Variants in ARAP2 observed in about 807,000 individuals in gnomAD.
ARAP2 encodes arf-GAP with Rho-GAP domain, ANK repeat and PH domain-containing protein 2.
A neutral mutation model predicts 194.5 loss-of-function variants in ARAP2; 148 were observed. The observed-to-expected ratio is 0.76, with a 90% CI of 0.67 to 0.87. The LOEUF is 0.87. Among genes scored for constraint, ARAP2 ranks in the 40% least tolerant of loss-of-function variants. ARAP2 has a pLI of 0.00. For synonymous variants in ARAP2, 695 were observed against 683.5 expected (o/e 1.02, Z -0.26); for missense variants, 2,128 against 1,989.7 (o/e 1.07, Z -1.32).
chr4:36,044,274 T>G (rs1560312717), intron 5 of ARAP2, among the ~76,000 whole-genome samples: 1 of 152,190 alleles, frequency 6.6e-6, no homozygotes, highest in Non-Finnish European at 1.5e-5. Flanking sequence ...AGAAGTAGTT[T>G]GTTTCTTTGG....
intron 19 of ARAP2, among the ~76,000 whole-genome samples, chr4:36,139,465 TGATTATTTCA>T (rs1560512523): frequency 6.6e-6 from 1 of 151,720 alleles, no homozygotes; most frequent in Non-Finnish European, 1.5e-5. Context: ...TTAAATAAAT[TGATTATTTCA>T]AAGGACCAGC....
chr4:36,138,185 A>G (rs1333178296), intron 19 of ARAP2, among the ~76,000 whole-genome samples: 1 of 151,736 alleles, frequency 6.6e-6, no homozygotes, highest in African/African-American at 2.4e-5. Context: ...TTCTTCTGGA[A>G]AAGTATGAAT....
At chr4:36,142,845 C>T (rs1158639444) in intron 19 of ARAP2, among the ~76,000 whole-genome samples, 1 of 151,708 alleles carries the variant, frequency 6.6e-6, no homozygotes, top group Non-Finnish European at 1.5e-5. Context: ...CTTCTTTACG[C>T]TGGCAACTCC....
intron 2 of ARAP2, among the ~76,000 whole-genome samples, chr4:36,055,624 C>T (rs1249475664): frequency 4.6e-5 from 7 of 151,976 alleles, no homozygotes; most frequent in Admixed American, 2.0e-4. Context: ...AGTGCAATGG[C>T]GTGATCTTGG....
chr4:36,117,084 G>A lies in ARAP2; in HGVS notation c.4015C>T (p.Pro1339Ser). 1 of 1,599,154 alleles carries A rather than the reference G, an allele frequency of 6.3e-7. No individual in the cohort carries two copies. The highest frequency in any genetic ancestry group is 1.1e-5 in the South Asian group (1 of 89,438). The change falls in exon 25 of 33, where the codon CCC becomes TCC. Residue 1339 changes from proline (P) to serine (S), a missense_variant. Pro to Ser is a moderately conservative substitution (Grantham distance 74). Transcript: ENST00000303965. ...LIEVYVERKE[P>S]DCSIIIRISP... ...ACCCGAATTATAATACTACAGTCGG[G>A]TTCCTTCCTTTCTACATATACTTCA...
chr4:36,134,478 A>G (rs1159984226), intron 19 of ARAP2, among the ~76,000 whole-genome samples: 2 of 151,656 alleles, frequency 1.3e-5, no homozygotes, highest in East Asian at 3.9e-4. Flanking sequence ...TCAGATCTTC[A>G]TGTTGTTCTT....
At chr4:36,008,917 A>G (rs185312621) in intron 9 of ARAP2, among the ~76,000 whole-genome samples, 2 of 152,308 alleles carry the variant, frequency 1.3e-5, no homozygotes, top group East Asian at 1.9e-4. Flanking sequence ...AAAAGAAAAC[A>G]TACATACAAC....
At chr4:36,187,417 A>C (rs1304714035) in intron 8 of ARAP2, 34 bp downstream of exon 8, 1 of 1,179,854 alleles carries the variant, frequency 8.5e-7, no homozygotes, top group Non-Finnish European at 1.1e-6. Context: ...GTCAGAAATT[A>C]ATGTATTTCA....
chr4:36,026,631 C>G (rs1245618854), intron 5 of ARAP2, among the ~76,000 whole-genome samples: 1 of 152,182 alleles, frequency 6.6e-6, no homozygotes, highest in Non-Finnish European at 1.5e-5. Context: ...ATTAACTCTG[C>G]CTCTAGGAGC....
At chr4:36,212,788 C>T (rs896202741) in intron 4 of ARAP2, among the ~76,000 whole-genome samples, 2 of 151,632 alleles carry the variant, frequency 1.3e-5, no homozygotes, top group Admixed American at 6.6e-5. Flanking sequence ...TTTTTGTCTT[C>T]CAACTTCTCT....
chr4:36,183,550 G>A (rs1739786749), intron 8 of ARAP2, among the ~76,000 whole-genome samples: 2 of 152,294 alleles, frequency 1.3e-5, no homozygotes, highest in South Asian at 2.1e-4. Flanking sequence ...CATCACGAGT[G>A]TTTTGAAGTA....
At chr4:36,127,687 G>A in intron 21 of ARAP2, among the ~76,000 whole-genome samples, 1 of 151,930 alleles carries the variant, frequency 6.6e-6, no homozygotes. Flanking sequence ...TCAAAAGTAA[G>A]TTTTAAAACC....
rs1359235030 is a variant in ARAP2 at position 36,067,423 on chromosome 4, C to T, written c.*484G>A. 1 of 152,610 alleles carries T rather than the reference C, an allele frequency of 6.6e-6. No individual in the cohort carries two copies. The highest frequency in any genetic ancestry group is 1.5e-5 in the Non-Finnish European group (1 of 68,060). The allele number at this position is 152,610 out of a possible 1,614,324, so 9.5% of individuals were successfully genotyped here. A position where few individuals can be genotyped will look rare whatever the true frequency, so the allele number is the denominator to read the frequency against. On this transcript the variant is annotated 3_prime_UTR_variant, in exon 33 of 33. Coordinates refer to ENST00000303965, the MANE Select transcript of ARAP2 (RefSeq NM_015230.4). ...AGGCAGCCACTACAATAAATTCTCC[C>T]CCCTTTTTCAATTTACTTCCCTTTC...
chr4:36,226,522 T>A (rs900498480), intron 2 of ARAP2, among the ~76,000 whole-genome samples: 3 of 148,558 alleles, frequency 2.0e-5, no homozygotes, highest in Non-Finnish European at 4.5e-5. Context: ...CCCCCCCACA[T>A]AATTTAGTTG....
intron 6 of ARAP2, among the ~76,000 whole-genome samples, chr4:36,203,891 A>G (rs1744972276): frequency 6.6e-6 from 1 of 152,188 alleles, no homozygotes; most frequent in South Asian, 2.1e-4. Context: ...TTAAAAAGAA[A>G]TAGACTCTAC....
At chr4:36,233,067 T>C (rs558499944) in intron 1 of ARAP2, among the ~76,000 whole-genome samples, 1 of 152,194 alleles carries the variant, frequency 6.6e-6, no homozygotes, top group Non-Finnish European at 1.5e-5. Context: ...AAAGGCTCCC[T>C]CCCACAGCCC....
At chr4:36,121,532 AT>A (rs1363816656) in intron 22 of ARAP2, among the ~76,000 whole-genome samples, 2 of 151,814 alleles carry the variant, frequency 1.3e-5, no homozygotes, top group Non-Finnish European at 1.5e-5. Flanking sequence ...TGTTAAATAG[AT>A]TAGTAAAAGT....
chr4:36,009,895 G>A (rs1413521496), intron 9 of ARAP2, among the ~76,000 whole-genome samples: 2 of 142,868 alleles, frequency 1.4e-5, no homozygotes, highest in Non-Finnish European at 3.1e-5. Context: ...GGGGGTAGGG[G>A]GGTGGAATCA....
chr4:36,072,645 C>A (rs532478975), intron 32 of ARAP2, among the ~76,000 whole-genome samples: 4 of 138,684 alleles, frequency 2.9e-5, no homozygotes, highest in African/African-American at 1.1e-4. Flanking sequence ...CTCTGCAGAG[C>A]GGTTTATTAC....
Sources: gnomAD v4.1 joint callset for allele counts (sites outside exome capture counted in the v4.1 genomes callset) on GRCh38, gnomAD v4.1.1 for gene constraint, MANE v1.5 for transcripts, NCBI Gene and HGNC (gene_info 2026-07-23, HGNC 2026-07-21) for gene names.